Variants in FBXL7 observed in about 807,000 individuals in gnomAD.
FBXL7 encodes the protein F-box and leucine rich repeat protein 7.
In FBXL7, 12 loss-of-function variants were observed where a neutral mutation model predicts 38.3. That is an observed-to-expected ratio of 0.31 (90% confidence interval 0.20 to 0.51). The LOEUF (loss-of-function observed/expected upper bound fraction) is 0.51, where lower values mean the gene tolerates loss of function less well. FBXL7 is among the 20% of genes least tolerant of loss of function. The pLI, the probability that FBXL7 is intolerant of heterozygous loss-of-function variation, is 0.98. For synonymous variants in FBXL7, 297 were observed against 300.9 expected (o/e 0.99, Z 0.13); for missense variants, 567 against 676.4 (o/e 0.84, Z 1.79).
chr5:15,585,513 C>T (rs894935152), intron 1 of FBXL7, among the ~76,000 whole-genome samples: 10 of 152,136 alleles, frequency 6.6e-5, no homozygotes, highest in Non-Finnish European at 1.5e-4. Flanking sequence ...CAACAGTCAT[C>T]GTTAGCTAAC....
chr5:15,906,805 T>G (rs1741380962), intron 2 of FBXL7, among the ~76,000 whole-genome samples: 1 of 39,582 alleles, frequency 2.5e-5, no homozygotes, highest in Admixed American at 3.1e-4. Context: ...CTGAGAATGA[T>G]GGTTTCCAAT....
At position 15,884,424 on chromosome 5, in the gene FBXL7, G is replaced by A. The variant is rs527565977; in HGVS notation, c.128-43466G>A. On this transcript the variant is annotated intron_variant, in intron 2 of 3. Coordinates refer to ENST00000504595, the MANE Select transcript of FBXL7 (RefSeq NM_012304.5). Reference sequence around the variant, plus strand: ...TGGGACTACAGGTACCTGCTACCACGCCCGGCTAATTTTTTGTATTTTTAG... The same window carrying A: ...TGGGACTACAGGTACCTGCTACCACACCCGGCTAATTTTTTGTATTTTTAG... Among the ~76,000 whole-genome samples, 19 of 152,016 alleles carry A rather than the reference G, an allele frequency of 1.2e-4. No homozygotes were observed. The East Asian group carries it at 1.5e-3, about 12-fold the overall frequency.
In FBXL7 at chr5:15,674,357, A is replaced by G. The variant is rs771882870; in HGVS notation, c.127+58285A>G. ...TAGATGTATGATGAAGTTTCATGAA[A>G]GGTTTTACAAAGGGCCAGACCTGAC... On this transcript the variant is annotated intron_variant, in intron 2 of 3. Transcript: ENST00000504595. Among the ~76,000 whole-genome samples, 55 of 152,314 alleles carry G rather than the reference A, an allele frequency of 3.6e-4. 1 individual carries two copies. The highest frequency in any genetic ancestry group is 6.3e-4 in the Non-Finnish European group (43 of 68,028).
chr5:15,708,338 A>T (rs1159423889), intron 2 of FBXL7, among the ~76,000 whole-genome samples: 1 of 152,176 alleles, frequency 6.6e-6, no homozygotes, highest in African/African-American at 2.4e-5. Context: ...TTCGAATCTC[A>T]TTGTAGGACC....
At chr5:15,642,761 A>G (rs1741409284) in intron 2 of FBXL7, among the ~76,000 whole-genome samples, 1 of 152,178 alleles carries the variant, frequency 6.6e-6, no homozygotes. Flanking sequence ...GGGAGAAGGA[A>G]TCCATATTAG....
chr5:15,654,850 T>C (rs1272650470), intron 2 of FBXL7, among the ~76,000 whole-genome samples: 2 of 152,248 alleles, frequency 1.3e-5, no homozygotes, highest in African/African-American at 4.8e-5. Context: ...AGTCTTACTT[T>C]ATTTTTATAT....
At chr5:15,594,699 A>G (rs1024897437) in intron 1 of FBXL7, among the ~76,000 whole-genome samples, 1 of 152,254 alleles carries the variant, frequency 6.6e-6, no homozygotes, top group East Asian at 1.9e-4. Context: ...TCCGGGAATC[A>G]GGTTTTCAGA....
chr5:15,880,142 C>T (rs1316641524), intron 2 of FBXL7, among the ~76,000 whole-genome samples: 1 of 152,142 alleles, frequency 6.6e-6, no homozygotes, highest in Non-Finnish European at 1.5e-5. Context: ...CTACTATTAC[C>T]TCTGGAAGTA....
At chr5:15,818,589 C>A (rs1738082360) in intron 2 of FBXL7, among the ~76,000 whole-genome samples, 1 of 151,964 alleles carries the variant, frequency 6.6e-6, no homozygotes. Flanking sequence ...CTTCCTGTAT[C>A]TACAAGTCAA....
chr5:15,721,586 C>G (rs1357585191), intron 2 of FBXL7, among the ~76,000 whole-genome samples: 1 of 151,836 alleles, frequency 6.6e-6, no homozygotes, highest in African/African-American at 2.4e-5. Context: ...ATTAGTTTAT[C>G]CCCAAGATGA....
chr5:15,521,503 G>A (rs1442413499), intron 1 of FBXL7, among the ~76,000 whole-genome samples: 1 of 152,208 alleles, frequency 6.6e-6, no homozygotes, highest in East Asian at 1.9e-4. Flanking sequence ...AGTTGGAACT[G>A]GAAGCTGCAT....
chr5:15,747,580 C>T (rs17524200), intron 2 of FBXL7, among the ~76,000 whole-genome samples: 13,473 of 152,240 alleles, frequency 0.088, 681 homozygotes, highest in Non-Finnish European at 0.12. Flanking sequence ...TCAGCCAACA[C>T]CTATCCAAAC....
At chr5:15,624,889 G>C (rs1237014067) in intron 2 of FBXL7, among the ~76,000 whole-genome samples, 1 of 142,432 alleles carries the variant, frequency 7.0e-6, no homozygotes, top group Non-Finnish European at 1.5e-5. Context: ...TTTTTTCCTA[G>C]ATGAGAAAAG....
chr5:15,622,107 ATTAC>A (rs1167269313), intron 2 of FBXL7, among the ~76,000 whole-genome samples: 16 of 152,122 alleles, frequency 1.1e-4, no homozygotes, highest in African/African-American at 3.1e-4. Context: ...GCATGTTATT[ATTAC>A]TTTTTATATT....
intron 2 of FBXL7, among the ~76,000 whole-genome samples, chr5:15,855,183 A>G (rs1265675608): frequency 6.6e-6 from 1 of 152,176 alleles, no homozygotes; most frequent in Admixed American, 6.5e-5. Flanking sequence ...GTATAACTCT[A>G]CATATTTTAG....
At position 15,813,879 on chromosome 5, in the gene FBXL7, A is replaced by T. The variant is rs547214919; in HGVS notation, c.128-114011A>T. 7.2e-5 allele frequency among the ~76,000 whole-genome samples: 11 copies of T among 152,332 alleles called. No homozygotes were observed. The East Asian group carries it at 2.1e-3, about 29-fold the overall frequency. ...ATGCAAATCAAAAGCACAATGAGAT[A>T]CCATCTCACACCAGTTAGAATGGCA... On this transcript the variant is annotated intron_variant, in intron 2 of 3. Coordinates refer to ENST00000504595, the MANE Select transcript of FBXL7 (RefSeq NM_012304.5).
chr5:15,649,258 A>T (rs988152704), intron 2 of FBXL7, among the ~76,000 whole-genome samples: 1 of 152,182 alleles, frequency 6.6e-6, no homozygotes, highest in African/African-American at 2.4e-5. Flanking sequence ...CAGCCTCCCA[A>T]AGTGCTGGGA....
At chr5:15,604,007 A>T (rs1308931271) in intron 1 of FBXL7, among the ~76,000 whole-genome samples, 3 of 152,156 alleles carry the variant, frequency 2.0e-5, no homozygotes, top group Non-Finnish European at 2.9e-5. Flanking sequence ...CATAAGGTGC[A>T]TGCCTGTAAT....
chr5:15,541,540 C>CA (rs1737754254), intron 1 of FBXL7, among the ~76,000 whole-genome samples: 1 of 133,320 alleles, frequency 7.5e-6, no homozygotes, highest in Non-Finnish European at 1.6e-5. Flanking sequence ...CCCACTCACT[C>CA]CTCTTTTTTT....
Sources: gnomAD v4.1 joint callset for allele counts (sites outside exome capture counted in the v4.1 genomes callset) on GRCh38, gnomAD v4.1.1 for gene constraint, MANE v1.5 for transcripts, NCBI Gene and HGNC (gene_info 2026-07-23, HGNC 2026-07-21) for gene names.